Variants in SPAG16 observed in about 807,000 individuals in gnomAD.
SPAG16 encodes the protein sperm-associated antigen 16 protein.
A neutral mutation model predicts 80.4 loss-of-function variants in SPAG16; 86 were observed. The ratio of observed to expected loss-of-function variants is 1.07; its 90% CI spans 0.90 to 1.28. SPAG16 has a LOEUF of 1.28. Ranked by LOEUF, SPAG16 falls within the 50% of genes most tolerant of loss-of-function variation. The pLI is 0.00. For synonymous variants in SPAG16, 294 were observed against 265.9 expected, an observed-to-expected ratio of 1.11 and a Z score of -1.03; for missense variants, 870 against 765.3, an observed-to-expected ratio of 1.14 and a Z score of -1.61.
chr2:214,316,178 T>G (rs1286555036), intron 15 of SPAG16, among the ~76,000 whole-genome samples: 4 of 151,908 alleles, frequency 2.6e-5, no homozygotes, highest in African/African-American at 9.6e-5. Context: ...TTGCAATTTA[T>G]GAACCTCAAG....
intron 9 of SPAG16, among the ~76,000 whole-genome samples, chr2:213,403,044 A>G (rs1223478243): frequency 2.0e-5 from 3 of 151,782 alleles, no homozygotes; most frequent in South Asian, 2.1e-4. Flanking sequence ...AGTCCCACCA[A>G]CAGTGTCAAA....
intron 15 of SPAG16, among the ~76,000 whole-genome samples, chr2:214,321,143 G>T (rs757022393): frequency 7.9e-5 from 12 of 152,104 alleles, no homozygotes; most frequent in Non-Finnish European, 8.8e-5. Flanking sequence ...ATAAGATAAT[G>T]GCTATCAGAG....
chr2:213,833,674 C>A (rs539250789), intron 10 of SPAG16, among the ~76,000 whole-genome samples: 1 of 123,028 alleles, frequency 8.1e-6, no homozygotes, highest in South Asian at 2.4e-4. Context: ...CTTCTACCCA[C>A]GTGGCTATTT....
intron 10 of SPAG16, among the ~76,000 whole-genome samples, chr2:213,505,596 A>G (rs1380012756): frequency 6.6e-6 from 1 of 152,204 alleles, no homozygotes; most frequent in Non-Finnish European, 1.5e-5. Context: ...ATAATTACGT[A>G]CAACTTGTGG....
chr2:213,640,493 G>A (rs1273570665), intron 10 of SPAG16, among the ~76,000 whole-genome samples: 1 of 152,078 alleles, frequency 6.6e-6, no homozygotes, highest in East Asian at 1.9e-4. Flanking sequence ...CCTGAGAGCT[G>A]GACTGCCGTG....
chr2:214,263,246 A>G (rs1232793965), intron 15 of SPAG16, among the ~76,000 whole-genome samples: 1 of 152,120 alleles, frequency 6.6e-6, no homozygotes, highest in Non-Finnish European at 1.5e-5. Context: ...ACATGCATAA[A>G]TTTTATATAT....
At chr2:213,466,852 T>A (rs893312670) in intron 9 of SPAG16, among the ~76,000 whole-genome samples, 2 of 152,192 alleles carry the variant, frequency 1.3e-5, no homozygotes, top group Non-Finnish European at 2.9e-5. Context: ...TGTCTCAGAA[T>A]CCCTGAAGTA....
At chr2:213,576,752 T>G (rs1278579865) in intron 10 of SPAG16, among the ~76,000 whole-genome samples, 1 of 152,052 alleles carries the variant, frequency 6.6e-6, no homozygotes, top group East Asian at 1.9e-4. Flanking sequence ...TTGTTCTCAC[T>G]TAATGGGAGA....
chr2:213,772,045 T>A (rs1251448216), intron 10 of SPAG16, among the ~76,000 whole-genome samples: 1 of 152,250 alleles, frequency 6.6e-6, no homozygotes, highest in African/African-American at 2.4e-5. Context: ...TTGGGCACTT[T>A]GGCCATTTTC....
intron 12 of SPAG16, among the ~76,000 whole-genome samples, chr2:213,945,627 C>T (rs1262840214): frequency 1.3e-5 from 2 of 152,138 alleles, no homozygotes; most frequent in African/African-American, 2.4e-5. Context: ...AGCCCACTGA[C>T]TTAAGTGTTA....
At chr2:214,158,874 T>C (rs1188365881) in intron 15 of SPAG16, among the ~76,000 whole-genome samples, 1 of 152,014 alleles carries the variant, frequency 6.6e-6, no homozygotes, top group East Asian at 1.9e-4. Context: ...ATAAAAACAA[T>C]TTTAATCTAG....
chr2:214,262,859 A>G (rs934957123), intron 15 of SPAG16, among the ~76,000 whole-genome samples: 1 of 152,094 alleles, frequency 6.6e-6, no homozygotes, highest in African/African-American at 2.4e-5. Flanking sequence ...GCTATTGTGA[A>G]TCAGTAGTTT....
At chr2:214,007,631 C>G (rs1398405765) in intron 12 of SPAG16, among the ~76,000 whole-genome samples, 2 of 152,040 alleles carry the variant, frequency 1.3e-5, no homozygotes, top group Admixed American at 1.3e-4. Context: ...GAATTCTGGG[C>G]TGAATATTGA....
At chr2:214,200,247 C>A (rs2057970840) in intron 15 of SPAG16, among the ~76,000 whole-genome samples, 1 of 151,942 alleles carries the variant, frequency 6.6e-6, no homozygotes, top group African/African-American at 2.4e-5. Flanking sequence ...TTTTATTACT[C>A]GAAGGTAAGT....
rs57025359 is a variant in SPAG16 at position 213,896,592 on chromosome 2, G to GCGCACACACACA, written c.1215-33367_1215-33366insGCACACACACAC. 3.9e-3 allele frequency among the ~76,000 whole-genome samples: 432 copies of GCGCACACACACA among 111,914 alleles called. 12 individuals carry two copies. Among genetic ancestry groups the GCGCACACACACA allele is most frequent in the Middle Eastern group, 8.6e-3 (2 of 232 alleles). The allele number at this position is 111,914 out of a possible 152,430, so 73.4% of individuals were successfully genotyped here. ...AAATGTGATATATACACACACACAC[G>GCGCACACACACA]CACACACACACACACACACACACAT... On this transcript the variant is annotated intron_variant, in intron 11 of 15. Coordinates refer to ENST00000331683, the MANE Select transcript of SPAG16 (RefSeq NM_024532.5).
At chr2:213,376,681 T>A (rs1259644591) in intron 9 of SPAG16, among the ~76,000 whole-genome samples, 1 of 152,138 alleles carries the variant, frequency 6.6e-6, no homozygotes, top group Non-Finnish European at 1.5e-5. Flanking sequence ...ACTGACTTGA[T>A]TTGAATTATA....
intron 15 of SPAG16, among the ~76,000 whole-genome samples, chr2:214,208,540 TA>T (rs1361164192): frequency 6.6e-6 from 1 of 152,182 alleles, no homozygotes; most frequent in Non-Finnish European, 1.5e-5. Flanking sequence ...CCAGAAAACA[TA>T]TCAGTCATAG....
At chr2:214,281,032 A>G in intron 15 of SPAG16, 1 of 410,380 alleles carries the variant, frequency 2.4e-6, no homozygotes. Flanking sequence ...CAGCTCCCTC[A>G]GGGCGCCAGA....
At chr2:213,735,893 G>A (rs1422360943) in intron 10 of SPAG16, among the ~76,000 whole-genome samples, 3 of 152,144 alleles carry the variant, frequency 2.0e-5, no homozygotes, top group Non-Finnish European at 4.4e-5. Context: ...TATTATGGAT[G>A]GGGCATAAAA....
Sources: allele counts gnomAD v4.1 joint callset (sites outside exome capture counted in the v4.1 genomes callset), GRCh38; gene constraint gnomAD v4.1.1; transcripts MANE v1.5; gene names NCBI Gene and HGNC (gene_info 2026-07-23, HGNC 2026-07-21).